DPYD: variants seen among roughly 807,000 people sequenced by gnomAD.
The protein encoded by DPYD is dihydropyrimidine dehydrogenase.
Under a neutral mutation model 116.2 loss-of-function variants are expected in DPYD, and 109 were observed. That is an observed-to-expected ratio of 0.94 (90% CI 0.80 to 1.10). DPYD has a LOEUF of 1.10. Ranked by LOEUF, DPYD falls within the 50% of genes least tolerant of loss-of-function variation. The pLI is 0.00. For synonymous variants in DPYD, 440 were observed against 432.0 expected, an observed-to-expected ratio of 1.02 and a Z score of -0.23; for missense variants, 1,302 against 1,254.5, an observed-to-expected ratio of 1.04 and a Z score of -0.57.
intron 11 of DPYD, 63 bp downstream of exon 11, chr1:97,573,697 A>T: frequency 6.3e-7 from 1 of 1,593,360 alleles, no homozygotes; most frequent in South Asian, 1.1e-5. Context: ...TGAAAGCTAG[A>T]AACTATTACA....
At chr1:97,724,777 A>G (rs1286135915) in intron 4 of DPYD, among the ~76,000 whole-genome samples, 1 of 151,634 alleles carries the variant, frequency 6.6e-6, no homozygotes, top group Non-Finnish European at 1.5e-5. Flanking sequence ...ACAAAGGTTC[A>G]ATCAATCGGA....
At chr1:97,316,722 T>C (rs1162042059) in intron 16 of DPYD, among the ~76,000 whole-genome samples, 1 of 151,614 alleles carries the variant, frequency 6.6e-6, no homozygotes, top group African/African-American at 2.4e-5. Context: ...GTACTCTACA[T>C]TTCTAGACTT....
chr1:97,489,803 T>C (rs893752474), intron 13 of DPYD, among the ~76,000 whole-genome samples: 1 of 152,204 alleles, frequency 6.6e-6, no homozygotes, highest in African/African-American at 2.4e-5. Context: ...GCATTTTAAA[T>C]AAAACTGGCA....
intron 16 of DPYD, among the ~76,000 whole-genome samples, chr1:97,359,306 CTG>C (rs1178000950): frequency 6.6e-6 from 1 of 152,104 alleles, no homozygotes; most frequent in Non-Finnish European, 1.5e-5. Context: ...ATATGGGACT[CTG>C]TGAAAATATC....
intron 13 of DPYD, among the ~76,000 whole-genome samples, chr1:97,461,148 G>T (rs976158020): frequency 6.6e-6 from 1 of 151,852 alleles, no homozygotes; most frequent in Non-Finnish European, 1.5e-5. Flanking sequence ...TTTCAGTTCA[G>T]TTCCTTCTTT....
At chr1:97,298,517 A>G (rs4264037) in intron 18 of DPYD, among the ~76,000 whole-genome samples, 35,611 of 152,136 alleles carry the variant, frequency 0.23, 4,367 homozygotes, top group Middle Eastern at 0.28. Context: ...ACTCATAAAT[A>G]TAAATCTTAA....
chr1:97,435,560 T>G (rs1053319533), intron 14 of DPYD, among the ~76,000 whole-genome samples: 1 of 151,944 alleles, frequency 6.6e-6, no homozygotes, highest in Non-Finnish European at 1.5e-5. Flanking sequence ...TGGATCATAT[T>G]TGTGGATCAC....
chr1:97,344,594 A>AG (rs1669748749), intron 16 of DPYD, among the ~76,000 whole-genome samples: 1 of 145,118 alleles, frequency 6.9e-6, no homozygotes. Flanking sequence ...TATATATGTC[A>AG]CCACACACAC....
At position 97,693,964 on chromosome 1, in the gene DPYD, AAAGG is replaced by A. The variant is rs772751759; in HGVS notation, c.681-2170_681-2167del. Among the ~76,000 whole-genome samples the A allele has an allele frequency of 7.2e-5, 11 of 152,200 alleles. 1 individual carries two copies. Among genetic ancestry groups the A allele is most frequent in the Non-Finnish European group, 1.5e-4 (10 of 68,036 alleles). ...ACTTTTCTGTTGGTCAGAAAAAAAT[AAAGG>A]AAGGAACACCTAACCTAGCAGGAAG... is the stretch of plus-strand genomic sequence containing the variant. On this transcript the variant is annotated intron_variant, in intron 6 of 22. Transcript: ENST00000370192.
chr1:97,610,985 ATATG>A (rs1405409704), intron 8 of DPYD, among the ~76,000 whole-genome samples: 4 of 149,726 alleles, frequency 2.7e-5, no homozygotes, highest in African/African-American at 9.9e-5. Flanking sequence ...GTGTATATAT[ATATG>A]TGTGTGTGTG....
intron 14 of DPYD, among the ~76,000 whole-genome samples, chr1:97,429,063 T>C (rs12028565): frequency 0.38 from 57,522 of 151,856 alleles, 11,427 homozygotes; most frequent in East Asian, 0.66. Flanking sequence ...ACATTAGACA[T>C]GAATTTGTAT....
At chr1:97,564,752 T>C (rs79334427) in intron 11 of DPYD, among the ~76,000 whole-genome samples, 11,279 of 152,216 alleles carry the variant, frequency 0.074, 588 homozygotes, top group Non-Finnish European at 0.11. Context: ...AAGAAATATA[T>C]CTTGATTCCA....
intron 14 of DPYD, among the ~76,000 whole-genome samples, chr1:97,425,584 T>G (rs1439555826): frequency 1.3e-5 from 2 of 152,102 alleles, no homozygotes; most frequent in Non-Finnish European, 2.9e-5. Context: ...AGGTCTTTTA[T>G]AGAAACAGAT....
At chr1:97,637,243 C>G (rs1657620983) in intron 8 of DPYD, among the ~76,000 whole-genome samples, 1 of 152,010 alleles carries the variant, frequency 6.6e-6, no homozygotes, top group African/African-American at 2.4e-5. Context: ...CAAACTTTAT[C>G]TCCCATTTGT....
At chr1:97,290,764 A>G (rs1418989546) in intron 18 of DPYD, among the ~76,000 whole-genome samples, 77 of 152,108 alleles carry the variant, frequency 5.1e-4, no homozygotes, top group Middle Eastern at 3.4e-3. Flanking sequence ...ACCATTCAGG[A>G]CATAGGCATG....
intron 18 of DPYD, among the ~76,000 whole-genome samples, chr1:97,279,092 T>C (rs1270061988): frequency 2.0e-5 from 3 of 152,094 alleles, no homozygotes; most frequent in Non-Finnish European, 2.9e-5. Flanking sequence ...AAGTCTGTGA[T>C]ATGAATGATC....
intron 18 of DPYD, among the ~76,000 whole-genome samples, chr1:97,256,573 T>TG (rs1207106685): frequency 3.3e-5 from 5 of 152,104 alleles, no homozygotes; most frequent in African/African-American, 1.2e-4. Context: ...TTGCTCCTCC[T>TG]TGCCTTCCAC....
chr1:97,671,903 T>A (rs1386396214), intron 8 of DPYD, among the ~76,000 whole-genome samples: 1 of 144,868 alleles, frequency 6.9e-6, no homozygotes, highest in Non-Finnish European at 1.5e-5. Context: ...GTCTTCTTTT[T>A]TTGTCTTTTC....
chr1:97,426,814 A>T (rs1477714668), intron 14 of DPYD, among the ~76,000 whole-genome samples: 1 of 152,134 alleles, frequency 6.6e-6, no homozygotes, highest in East Asian at 1.9e-4. Flanking sequence ...GAGCAGAGTC[A>T]AAAGGGAGGT....
Sources: allele counts gnomAD v4.1 joint callset (sites outside exome capture counted in the v4.1 genomes callset), GRCh38; gene constraint gnomAD v4.1.1; transcripts MANE v1.5; gene names NCBI Gene and HGNC (gene_info 2026-07-23, HGNC 2026-07-21).